Variants in RALGAPA1 observed in about 807,000 individuals in gnomAD.
RALGAPA1 encodes the protein ral GTPase-activating protein subunit alpha-1.
In RALGAPA1, 52 loss-of-function variants were observed where a neutral mutation model predicts 269.6. That is an observed-to-expected ratio of 0.19 (90% CI 0.15 to 0.24). The LOEUF is 0.24. Ranked by LOEUF, RALGAPA1 falls within the 10% of genes least tolerant of loss-of-function variation. The pLI is 1.00. For missense variants in RALGAPA1, 1,917 were observed against 3,013.9 expected, an observed-to-expected ratio of 0.64 and a Z score of 8.52; for synonymous variants, 817 against 1,008.3, an observed-to-expected ratio of 0.81 and a Z score of 3.60.
At chr14:35,714,093 T>TACA (rs1555414031) in intron 16 of RALGAPA1, among the ~76,000 whole-genome samples, 4 of 130,158 alleles carry the variant, frequency 3.1e-5, no homozygotes, top group Admixed American at 7.8e-5. Context: ...AGACTCCGTC[T>TACA]AAAAAAAAAA....
At chr14:35,682,823 T>C (rs1422553948) in intron 21 of RALGAPA1, among the ~76,000 whole-genome samples, 3 of 152,174 alleles carry the variant, frequency 2.0e-5, no homozygotes, top group Non-Finnish European at 2.9e-5. Context: ...TCTAACCCAA[T>C]TGGTTCCCAT....
intron 1 of RALGAPA1, among the ~76,000 whole-genome samples, chr14:35,781,231 G>C (rs1238023695): frequency 1.3e-5 from 2 of 152,076 alleles, no homozygotes; most frequent in Admixed American, 6.6e-5. Flanking sequence ...ATGAGCAACT[G>C]TATGCTAGCA....
intron 30 of RALGAPA1, among the ~76,000 whole-genome samples, chr14:35,653,592 G>C (rs545844535): frequency 4.8e-4 from 73 of 152,124 alleles, no homozygotes; most frequent in Middle Eastern, 6.8e-3. Context: ...TGAAGGCCCT[G>C]AATTCACAGC....
At chr14:35,733,520 C>T (rs189485453) in intron 12 of RALGAPA1, among the ~76,000 whole-genome samples, 9 of 152,078 alleles carry the variant, frequency 5.9e-5, no homozygotes, top group African/African-American at 2.2e-4. Context: ...ATTCTCCAAA[C>T]TGAACGACAA....
intron 1 of RALGAPA1, among the ~76,000 whole-genome samples, chr14:35,807,278 A>G (rs1307183728): frequency 6.6e-6 from 1 of 152,172 alleles, no homozygotes; most frequent in South Asian, 2.1e-4. Flanking sequence ...ACTGTGTCCT[A>G]TTCTCGGCTA....
intron 37 of RALGAPA1, among the ~76,000 whole-genome samples, chr14:35,584,727 A>G (rs202049163): frequency 0.11 from 16,887 of 152,188 alleles, 1,478 homozygotes; most frequent in East Asian, 0.31. Context: ...CTCAATTAAA[A>G]CCAGAAAAGG....
chr14:35,797,701 CG>C (rs1211677175), intron 1 of RALGAPA1, among the ~76,000 whole-genome samples: 1 of 151,434 alleles, frequency 6.6e-6, no homozygotes, highest in Admixed American at 6.6e-5. Flanking sequence ...CAAAATTAGC[CG>C]GGAGTGGTGG....
chr14:35,738,288 A>T (rs989792568), intron 12 of RALGAPA1, among the ~76,000 whole-genome samples: 3 of 152,058 alleles, frequency 2.0e-5, no homozygotes, highest in Non-Finnish European at 2.9e-5. Context: ...TGCAGATGAC[A>T]GTACACCATA....
chr14:35,678,246 A>AT, intron 21 of RALGAPA1, 144 bp from the exon 22 acceptor site: 1 of 661,882 alleles, frequency 1.5e-6, no homozygotes, highest in East Asian at 3.1e-5. Context: ...CAAGAAAATC[A>AT]TAATATTATA....
At chr14:35,672,464 T>C (rs186165393) in intron 25 of RALGAPA1, among the ~76,000 whole-genome samples, 34 of 152,178 alleles carry the variant, frequency 2.2e-4, no homozygotes, top group African/African-American at 7.7e-4. Context: ...TGCTGATTCT[T>C]AGATTGAAAA....
intron 20 of RALGAPA1, 49 bp downstream of exon 20, chr14:35,684,880 A>G (rs2065780418): frequency 6.4e-7 from 1 of 1,553,402 alleles, no homozygotes; most frequent in Non-Finnish European, 8.7e-7. Context: ...AGTCTTGAAC[A>G]GAAGACAATC....
At chr14:35,576,435 T>C (rs181469400) in intron 37 of RALGAPA1, among the ~76,000 whole-genome samples, 1 of 152,334 alleles carries the variant, frequency 6.6e-6, no homozygotes, top group East Asian at 1.9e-4. Flanking sequence ...TGAAGGTCTA[T>C]TGTTAGCCTG....
At chr14:35,723,452 C>A in intron 14 of RALGAPA1, 188 bp from the exon 15 acceptor site, 1 of 436,900 alleles carries the variant, frequency 2.3e-6, no homozygotes, top group East Asian at 3.5e-5. Flanking sequence ...AATTTCATTT[C>A]AACAACTGCC....
intron 1 of RALGAPA1, among the ~76,000 whole-genome samples, chr14:35,805,441 CAAA>C (rs36002869): frequency 1.2e-4 from 11 of 95,282 alleles, no homozygotes; most frequent in Admixed American, 5.9e-4. Context: ...GACTCCGTGT[CAAA>C]AAAAAAAAAA....
intron 35 of RALGAPA1, among the ~76,000 whole-genome samples, chr14:35,615,906 C>T (rs2060221922): frequency 6.6e-6 from 1 of 152,060 alleles, no homozygotes; most frequent in South Asian, 2.1e-4. Context: ...TCATTAACAT[C>T]AAATTTTAAC....
intron 39 of RALGAPA1, among the ~76,000 whole-genome samples, chr14:35,560,783 T>C (rs1204036072): frequency 6.6e-6 from 1 of 152,198 alleles, no homozygotes; most frequent in East Asian, 1.9e-4. Flanking sequence ...CTAGAGACCA[T>C]TAAGAGACAA....
intron 1 of RALGAPA1, among the ~76,000 whole-genome samples, chr14:35,806,934 T>C (rs1479237606): frequency 6.6e-6 from 1 of 151,700 alleles, no homozygotes; most frequent in African/African-American, 2.4e-5. Flanking sequence ...AGACTTGTTT[T>C]TGTTTTGTTT....
chr14:35,600,255 A>G (rs1037081194), intron 36 of RALGAPA1, among the ~76,000 whole-genome samples: 1 of 84,674 alleles, frequency 1.2e-5, no homozygotes, highest in Non-Finnish European at 1.9e-5. Flanking sequence ...TTTTTGAGAC[A>G]GGGTCTGCTC....
chr14:35,646,389 C>A (rs1295257644), intron 31 of RALGAPA1, among the ~76,000 whole-genome samples: 3 of 152,202 alleles, frequency 2.0e-5, no homozygotes, highest in Non-Finnish European at 4.4e-5. Context: ...ATGAAACAAA[C>A]TGACATCTGT....
Sources: gnomAD v4.1 joint callset for allele counts (sites outside exome capture counted in the v4.1 genomes callset) on GRCh38, gnomAD v4.1.1 for gene constraint, MANE v1.5 for transcripts, NCBI Gene and HGNC (gene_info 2026-07-23, HGNC 2026-07-21) for gene names.